The following CECR2 variants were observed in gnomAD, a reference collection of about 807,000 sequenced individuals.
The protein encoded by CECR2 is chromatin remodeling regulator CECR2.
Under a neutral mutation model 154.5 loss-of-function variants are expected in CECR2, and 30 were observed. The ratio of observed to expected loss-of-function variants is 0.19; its 90% confidence interval spans 0.15 to 0.26. The LOEUF (loss-of-function observed/expected upper bound fraction) is 0.26. CECR2 is among the 10% of genes least tolerant of loss of function. CECR2 has a pLI of 1.00. For missense variants in CECR2, 1,743 were observed against 1,829.3 expected, an observed-to-expected ratio of 0.95 and a Z score of 0.86; for synonymous variants, 725 against 683.7, an observed-to-expected ratio of 1.06 and a Z score of -0.94.
chr22:17,553,078 ACAGT>A lies in CECR2; in HGVS notation c.*242_*245del, dbSNP rs1387956136. 6 of 867,472 alleles carry A rather than the reference ACAGT, an allele frequency of 6.9e-6. No individual in the cohort carries two copies. The highest frequency in any genetic ancestry group is 4.1e-5 in the South Asian group (1 of 24,386). The allele number at this position is 867,472 out of a possible 1,614,324, so 53.7% of individuals were successfully genotyped here. On this transcript the variant is annotated 3_prime_UTR_variant, in exon 19 of 19. Transcript: ENST00000262608. ...GGGATCTCTTGCACAGCTGATGTAG[ACAGT>A]CAGGCAAAACTAATGAACGTGGAGT...
chr22:17,374,667 C>T (rs1032094477), intron 1 of CECR2, among the ~76,000 whole-genome samples: 2 of 152,202 alleles, frequency 1.3e-5, no homozygotes, highest in Non-Finnish European at 2.9e-5. Context: ...AACTTGTATT[C>T]TGATTGTGCT....
At chr22:17,520,160 T>A (rs905586295) in intron 8 of CECR2, among the ~76,000 whole-genome samples, 1 of 152,200 alleles carries the variant, frequency 6.6e-6, no homozygotes, top group Admixed American at 6.5e-5. Context: ...TCAGTCCTTA[T>A]TAAAATGTTA....
rs528067348 is a variant in CECR2 at position 17,502,734 on chromosome 22, C to T, written c.651-348C>T. Among the ~76,000 whole-genome samples, 8 of 152,200 alleles carry T rather than the reference C, an allele frequency of 5.3e-5. No individual in the cohort carries two copies. The South Asian group carries it at 1.5e-3, about 28-fold the overall frequency. On this transcript the variant is annotated intron_variant, in intron 5 of 18. Coordinates refer to ENST00000262608, the MANE Select transcript of CECR2 (RefSeq NM_001290047.2). ...AGGAGAATCATTTGAACCTGGGAGGCGGAGGTTGCAGTGAGCTGAAATCGC... is the reference window on the plus strand; with the variant it reads ...AGGAGAATCATTTGAACCTGGGAGGTGGAGGTTGCAGTGAGCTGAAATCGC...
intron 3 of CECR2, among the ~76,000 whole-genome samples, chr22:17,499,093 G>T (rs180836491): frequency 1.3e-5 from 2 of 151,986 alleles, no homozygotes; most frequent in Non-Finnish European, 2.9e-5. Flanking sequence ...AGGTTCAAGC[G>T]ATTCTCCTGC....
rs1858759 is a variant in CECR2, at chr22:17,456,431, T to C, written c.127-21157T>C. Among the ~76,000 whole-genome samples, 271 of 152,336 alleles carry C rather than the reference T, an allele frequency of 1.8e-3. 1 individual carries two copies. Among genetic ancestry groups the C allele is most frequent in the African/African-American group, 5.9e-3 (246 of 41,592 alleles). ...GGAATCAATTTTGTTTTTCTCAAAG[T>C]GATCTACTTTTCAGTGCCCTAATAA... is the stretch of plus-strand genomic sequence containing the variant. On this transcript the variant is annotated intron_variant, in intron 1 of 18. Transcript: ENST00000262608.
intron 1 of CECR2, among the ~76,000 whole-genome samples, chr22:17,445,792 C>T (rs145147393): frequency 0.035 from 5,242 of 151,920 alleles, 304 homozygotes; most frequent in African/African-American, 0.12. Context: ...GGGGTTTTGC[C>T]ATGTTGGCCA....
In CECR2 at chr22:17,383,893, A is replaced by G. The variant is rs554948853; in HGVS notation, c.126+13984A>G. 2.9e-3 allele frequency among the ~76,000 whole-genome samples: 440 copies of G among 152,100 alleles called. 2 individuals are homozygous for G. Among genetic ancestry groups the G allele is most frequent in the African/African-American group, 0.01 (418 of 41,476 alleles). On this transcript the variant is annotated intron_variant, in intron 1 of 18. Coordinates refer to ENST00000262608, the MANE Select transcript of CECR2 (RefSeq NM_001290047.2). ...TCACTATGTTGGCCAGGCTGGTCTCAGACTCCTGACCTCAGGTGATCCACC... is the reference window on the plus strand; with the variant it reads ...TCACTATGTTGGCCAGGCTGGTCTCGGACTCCTGACCTCAGGTGATCCACC...
intron 14 of CECR2, among the ~76,000 whole-genome samples, chr22:17,541,035 C>T (rs1340747878): frequency 6.6e-6 from 1 of 152,202 alleles, no homozygotes; most frequent in Non-Finnish European, 1.5e-5. Context: ...CCTTCTGCCT[C>T]AGCCTCCCAA....
At chr22:17,408,209 C>T (rs1035295976) in intron 1 of CECR2, among the ~76,000 whole-genome samples, 1 of 149,550 alleles carries the variant, frequency 6.7e-6, no homozygotes, top group African/African-American at 2.5e-5. Context: ...CCTCAGCCCC[C>T]TCACCCCCCA....
chr22:17,521,172 T>G (rs555934850), intron 8 of CECR2, among the ~76,000 whole-genome samples: 2 of 152,350 alleles, frequency 1.3e-5, no homozygotes, highest in Admixed American at 6.5e-5. Flanking sequence ...GGTTTTGATT[T>G]GCATTTCTCT....
chr22:17,490,010 C>T (rs1328897786), intron 2 of CECR2, among the ~76,000 whole-genome samples: 2 of 151,590 alleles, frequency 1.3e-5, no homozygotes, highest in East Asian at 1.9e-4. Flanking sequence ...CTGCATCCTG[C>T]GAATTTTGAT....
At chr22:17,538,345 A>C (rs533429416) in intron 10 of CECR2, among the ~76,000 whole-genome samples, 175 bp from the exon 11 acceptor site, 1 of 152,240 alleles carries the variant, frequency 6.6e-6, no homozygotes, top group Non-Finnish European at 1.5e-5. Flanking sequence ...GCTAAGGTCC[A>C]CTGTCCCTCA....
At chr22:17,510,773 T>TTG (rs996935594) in intron 7 of CECR2, among the ~76,000 whole-genome samples, 17 of 152,082 alleles carry the variant, frequency 1.1e-4, no homozygotes, top group African/African-American at 3.9e-4. Flanking sequence ...GGCTAATTTT[T>TTG]TGTGTGTGTG....
At position 17,377,131 on chromosome 22, in the gene CECR2, C is replaced by T. The variant is rs147379315; in HGVS notation, c.126+7222C>T. 3.5e-3 allele frequency among the ~76,000 whole-genome samples: 530 copies of T among 152,286 alleles called. 6 individuals are homozygous for T. Among genetic ancestry groups the T allele is most frequent in the African/African-American group, 0.012 (508 of 41,564 alleles). On this transcript the variant is annotated intron_variant, in intron 1 of 18. Transcript: ENST00000262608. ...AGCATGCATAACACTCTTAACTAAT[C>T]TAGAAAATTGCTGACTCACCAGTTA...
Position 17,404,364 on chromosome 22 carries a change from C to CCTTTTT in CECR2, c.126+34455_126+34456insCTTTTT, listed in dbSNP as rs781954770. ...TGTGGGTTCATTTCTGGACCCTGTTCTTTCTTTTTTTTTTTTTTTTTTTTT... is the reference window on the plus strand; with the variant it reads ...TGTGGGTTCATTTCTGGACCCTGTTCCTTTTTTTTCTTTTTTTTTTTTTTTTTTTTT... On this transcript the variant is annotated intron_variant, in intron 1 of 18. Transcript: ENST00000262608. Among the ~76,000 whole-genome samples, 61 of 59,622 alleles carry CCTTTTT rather than the reference C, an allele frequency of 1.0e-3. 11 individuals carry two copies. The highest frequency in any genetic ancestry group is 4.3e-3 in the African/African-American group (57 of 13,310). The allele number at this position is 59,622 out of a possible 152,430, so 39.1% of individuals were successfully genotyped here.
At chr22:17,518,844 T>A (rs377501221) in intron 8 of CECR2, 1 of 269,790 alleles carries the variant, frequency 3.7e-6, no homozygotes, top group African/African-American at 2.3e-5. Context: ...AGAGCTGATG[T>A]AGGAGTTTTT....
chr22:17,490,538 A>C (rs2055508797), intron 2 of CECR2, among the ~76,000 whole-genome samples: 1 of 152,032 alleles, frequency 6.6e-6, no homozygotes, highest in African/African-American at 2.4e-5. Flanking sequence ...GAGTGCAAGC[A>C]ATTCTCCTGC....
intron 9 of CECR2, among the ~76,000 whole-genome samples, chr22:17,535,090 G>A (rs981111504): frequency 4.6e-5 from 7 of 151,950 alleles, no homozygotes; most frequent in Non-Finnish European, 7.4e-5. Flanking sequence ...GGCGGAGCTC[G>A]CAGTGAGGCG....
chr22:17,469,363 G>A (rs977554153), intron 1 of CECR2, among the ~76,000 whole-genome samples: 1 of 152,130 alleles, frequency 6.6e-6, no homozygotes, highest in Admixed American at 6.5e-5. Flanking sequence ...ACGTTTACCT[G>A]CCATTCAACA....
Sources: gnomAD v4.1 joint callset for allele counts (sites outside exome capture counted in the v4.1 genomes callset) on GRCh38, gnomAD v4.1.1 for gene constraint, MANE v1.5 for transcripts, NCBI Gene and HGNC (gene_info 2026-07-23, HGNC 2026-07-21) for gene names.